AMZ2: variants seen among roughly 807,000 people sequenced by gnomAD.
The protein encoded by AMZ2 is archaemetzincin-2.
In AMZ2, 26 loss-of-function variants were observed where a neutral mutation model predicts 36.7. The ratio of observed to expected loss-of-function variants is 0.71; its 90% CI spans 0.52 to 0.98. The LOEUF (loss-of-function observed/expected upper bound fraction) is 0.98, where lower values mean the gene tolerates loss of function less well. AMZ2 is among the 50% of genes least tolerant of loss of function. The pLI is 0.00. For synonymous variants in AMZ2, 144 were observed against 149.1 expected, an observed-to-expected ratio of 0.97 and a Z score of 0.25; for missense variants, 394 against 430.5, an observed-to-expected ratio of 0.92 and a Z score of 0.75.
chr17:68,210,381 C>A (rs1490668716), intron 1 of AMZ2, among the ~76,000 whole-genome samples: 4 of 152,144 alleles, frequency 2.6e-5, no homozygotes, highest in Non-Finnish European at 5.9e-5. Flanking sequence ...CGACATGTTA[C>A]AACATGGAGA....
chr17:68,235,661 G>A lies in AMZ2; in HGVS notation c.-66-12979G>A, dbSNP rs1555732344. 1.3e-5 allele frequency among the ~76,000 whole-genome samples: 2 copies of A among 152,152 alleles called. No homozygotes were observed. Among genetic ancestry groups the A allele is most frequent in the Non-Finnish European group, 2.9e-5 (2 of 68,022 alleles). On this transcript the variant is annotated intron_variant, in intron 1 of 7. Coordinates refer to the AMZ2 transcript ENST00000674770. The surrounding 1 kb of genome is among the most constrained non-coding windows in gnomAD (Gnocchi z 4.2). ...CCAGAGAGAACAGTGACCCAGAAAAGCAAGAGGAGAGTTTCCAGGAGGACA... is the reference window on the plus strand; with the variant it reads ...CCAGAGAGAACAGTGACCCAGAAAAACAAGAGGAGAGTTTCCAGGAGGACA...
At chr17:68,208,718 TACTC>T (rs1398310641) in intron 1 of AMZ2, among the ~76,000 whole-genome samples, 16 of 152,280 alleles carry the variant, frequency 1.1e-4, no homozygotes, top group African/African-American at 2.9e-4. Context: ...CGAGCTGTAA[TACTC>T]ACCGCGACGG....
intron 1 of AMZ2, among the ~76,000 whole-genome samples, chr17:68,231,015 T>C (rs2073648759): frequency 6.6e-6 from 1 of 152,088 alleles, no homozygotes; most frequent in Non-Finnish European, 1.5e-5. Context: ...GCAAGACATA[T>C]ATGTATTTTT....
At position 68,250,199 on chromosome 17, in the gene AMZ2, A is replaced by G. The variant is rs1237340769; in HGVS notation, c.12A>G (p.Ile4Met). Reference protein sequence around the residue: MQIIRHSEQTLKTA... With the variant: MQIMRHSEQTLKTA... The stretch of plus-strand genomic sequence containing the variant: ...CTTTTTTTTGTTAGATGCAAATAAT[A>G]CGGCACTCCGAACAGACACTAAAAA... The change falls in exon 2 of 7, where the codon ATA becomes ATG. Residue 4 changes from isoleucine to methionine, a missense_variant. Coordinates refer to ENST00000359904, the MANE Select transcript of AMZ2 (RefSeq NM_016627.5). 1 of 1,612,878 alleles carries G rather than the reference A, an allele frequency of 6.2e-7. No individual in the cohort carries two copies. Among genetic ancestry groups the G allele is most frequent in the Admixed American group, 1.7e-5 (1 of 59,722 alleles).
intron 1 of AMZ2, among the ~76,000 whole-genome samples, chr17:68,238,541 T>G (rs1471965959): frequency 9.1e-5 from 11 of 120,696 alleles, no homozygotes; most frequent in African/African-American, 4.4e-4. Context: ...CATATGTATA[T>G]ATATATAGAG....
chr17:68,244,196 C>T (rs2073957503), upstream of AMZ2, among the ~76,000 whole-genome samples: 1 of 152,148 alleles, frequency 6.6e-6, no homozygotes, highest in African/African-American at 2.4e-5. Flanking sequence ...TCAGTATGGA[C>T]TCATGTTTTA....
rs71355806 is a variant in AMZ2, at chr17:68,214,036, G to GT, written c.-67+7809dup. Among the ~76,000 whole-genome samples the GT allele has an allele frequency of 3.9e-4, 56 of 144,686 alleles. No individual in the cohort carries two copies. The South Asian group carries it at 5.9e-3, about 15-fold the overall frequency. 94.9% of individuals were successfully genotyped at this position (144,686 alleles called of 152,430 possible). On this transcript the variant is annotated intron_variant, in intron 1 of 7. Coordinates refer to the AMZ2 transcript ENST00000674770. ...ACTTTTCTGAGGCTATTAATGACAG[G>GT]TTTTTTTTTTTCTCCTCTGTGCATG...
chr17:68,238,409 A>G (rs2073834795), intron 1 of AMZ2, among the ~76,000 whole-genome samples: 1 of 152,040 alleles, frequency 6.6e-6, no homozygotes, highest in Non-Finnish European at 1.5e-5. Context: ...AGTCTTCCTA[A>G]ATGCTATGTG....
At chr17:68,219,358 G>C (rs2073286852) in intron 1 of AMZ2, among the ~76,000 whole-genome samples, 1 of 152,108 alleles carries the variant, frequency 6.6e-6, no homozygotes. Context: ...CACCTCTTCT[G>C]TCTGGTTCTG....
At chr17:68,223,441 TCAA>T (rs1307215544) in intron 1 of AMZ2, among the ~76,000 whole-genome samples, 2 of 152,194 alleles carry the variant, frequency 1.3e-5, no homozygotes, top group Non-Finnish European at 2.9e-5. Context: ...GCCTTTTTGC[TCAA>T]CAGTACAAGA....
intron 5 of AMZ2, 42 bp from the exon 6 acceptor site, chr17:68,255,658 G>A (rs201231353): frequency 3.1e-6 from 5 of 1,587,756 alleles, no homozygotes; most frequent in African/African-American, 1.3e-5. Context: ...GTAGCCTAAT[G>A]TGATGGTGGT....
intron 2 of AMZ2, 86 bp downstream of exon 2, chr17:68,250,556 A>G (rs1555738904): frequency 1.3e-5 from 20 of 1,496,750 alleles, no homozygotes; most frequent in Non-Finnish European, 1.3e-5. Flanking sequence ...TCTGATTCAG[A>G]TGGGCCGTTT....
chr17:68,220,321 G>A (rs2073314212), intron 1 of AMZ2, among the ~76,000 whole-genome samples: 1 of 100,558 alleles, frequency 9.9e-6, no homozygotes. Context: ...CAAAGACTAT[G>A]CCTCCCCTTG....
chr17:68,211,784 GTA>G (rs67789480), intron 1 of AMZ2, among the ~76,000 whole-genome samples: 1 of 99,318 alleles, frequency 1.0e-5, no homozygotes, highest in Non-Finnish European at 1.9e-5. Context: ...ATGTATATAT[GTA>G]TATGTATATA....
chr17:68,246,195 C>CAAAAAAAAAAAAAAAA (rs57477453), upstream of AMZ2, among the ~76,000 whole-genome samples: 3 of 83,826 alleles, frequency 3.6e-5, no homozygotes, highest in Admixed American at 1.6e-4. Context: ...ACTAAAAATA[C>CAAAAAAAAAAAAAAAA]AAAAAAAAAA....
upstream of AMZ2, chr17:68,247,357 A>AAAAAGGCAAGAAAAAGAAATAAG: frequency 7.5e-6 from 1 of 133,764 alleles, no homozygotes; most frequent in African/African-American, 3.1e-5. Context: ...AAAAAAAAAA[A>AAAAAGGCAAGAAAAAGAAATAAG]AAAGCAAGAA....
rs566067280 is a variant in AMZ2 at position 68,248,669 on chromosome 17, T to G, written c.-37T>G. 7.1e-5 allele frequency: 70 copies of G among 985,948 alleles called. No individual in the cohort carries two copies. The highest frequency in any genetic ancestry group is 5.2e-4 in the Middle Eastern group (1 of 1,940). The allele number at this position is 985,948 out of a possible 1,614,324, so 61.1% of individuals were successfully genotyped here. On this transcript the variant is annotated 5_prime_UTR_variant, in exon 1 of 7. Transcript: ENST00000359904. Reference sequence around the variant, plus strand: ...GCCCAGACATGTCCGTCCTTGTAAGTTAAAAGCTTCCATGGGAGCCTTCCT... The same window carrying G: ...GCCCAGACATGTCCGTCCTTGTAAGGTAAAAGCTTCCATGGGAGCCTTCCT...
At chr17:68,239,838 A>C (rs376899929) in intron 1 of AMZ2, among the ~76,000 whole-genome samples, 1 of 152,236 alleles carries the variant, frequency 6.6e-6, no homozygotes, top group African/African-American at 2.4e-5. Context: ...TGAAATCTTA[A>C]CAGCCAAAGA....
intron 1 of AMZ2, among the ~76,000 whole-genome samples, chr17:68,222,455 C>T (rs1249939242): frequency 3.3e-5 from 5 of 152,032 alleles, no homozygotes; most frequent in East Asian, 1.9e-4. Context: ...TTCCACGGAC[C>T]GGGTGGGGAT....
Sources: allele counts gnomAD v4.1 joint callset (sites outside exome capture counted in the v4.1 genomes callset), GRCh38; gene constraint gnomAD v4.1.1; non-coding constraint Gnocchi (gnomAD v3.1); transcripts MANE v1.5; gene names NCBI Gene and HGNC (gene_info 2026-07-23, HGNC 2026-07-21).